Variants in CTNNA2 observed in about 807,000 individuals in gnomAD.
CTNNA2 encodes the protein catenin alpha 2.
CTNNA2 carries 42 observed loss-of-function variants against 101.0 expected under a neutral mutation model. That is an observed-to-expected ratio of 0.42 (90% CI 0.32 to 0.54). CTNNA2 has a LOEUF of 0.54. Ranked by LOEUF, CTNNA2 falls within the 20% of genes least tolerant of loss-of-function variation. The pLI is 0.14. For missense variants in CTNNA2, 871 were observed against 1,223.1 expected (o/e 0.71, Z 4.29); for synonymous variants, 450 against 456.4 (o/e 0.99, Z 0.18).
intron 9 of CTNNA2, among the ~76,000 whole-genome samples, chr2:80,424,411 T>C (rs1345302187): frequency 3.9e-5 from 6 of 152,236 alleles, no homozygotes; most frequent in Non-Finnish European, 8.8e-5. Context: ...AGACAGACTT[T>C]ATTGCTTGTC....
At chr2:80,601,043 G>T (rs1037332719) in intron 15 of CTNNA2, among the ~76,000 whole-genome samples, 1 of 152,124 alleles carries the variant, frequency 6.6e-6, no homozygotes, top group Non-Finnish European at 1.5e-5. Context: ...TGTAGCATTT[G>T]CTGATGTCCA....
At chr2:79,699,531 A>G (rs1462575326) in intron 2 of CTNNA2, among the ~76,000 whole-genome samples, 2 of 151,910 alleles carry the variant, frequency 1.3e-5, no homozygotes, top group African/African-American at 4.8e-5. Flanking sequence ...AAAGATCCAT[A>G]TTTATAGAAT....
At chr2:79,305,178 A>C (rs1676205194) in intron 2 of CTNNA2, among the ~76,000 whole-genome samples, 1 of 151,966 alleles carries the variant, frequency 6.6e-6, no homozygotes, top group Non-Finnish European at 1.5e-5. Context: ...AAACTTGAAT[A>C]TTTAATTGGG....
At chr2:80,305,267 A>G in intron 7 of CTNNA2, 1 of 985,128 alleles carries the variant, frequency 1.0e-6, no homozygotes. Context: ...TTCCAAACCC[A>G]CCTAGTTTGG....
intron 2 of CTNNA2, among the ~76,000 whole-genome samples, chr2:79,681,431 T>C (rs185599676): frequency 7.9e-4 from 120 of 152,296 alleles, no homozygotes; most frequent in African/African-American, 2.8e-3. Flanking sequence ...CCCTAGACTT[T>C]TGCACCAGTG....
At chr2:79,772,910 T>G (rs974193128) in intron 3 of CTNNA2, among the ~76,000 whole-genome samples, 1 of 152,236 alleles carries the variant, frequency 6.6e-6, no homozygotes, top group African/African-American at 2.4e-5. Flanking sequence ...TGAAAAATGT[T>G]TAAAAACTTT....
intron 2 of CTNNA2, among the ~76,000 whole-genome samples, chr2:79,721,603 A>G (rs910829359): frequency 6.6e-6 from 1 of 152,246 alleles, no homozygotes; most frequent in Non-Finnish European, 1.5e-5. Context: ...TTGCTTGCAG[A>G]TAGAAATGGT....
chr2:80,596,937 G>A (rs370394304), intron 15 of CTNNA2, among the ~76,000 whole-genome samples: 3 of 152,008 alleles, frequency 2.0e-5, no homozygotes, highest in South Asian at 4.2e-4. Flanking sequence ...GAATTTTATC[G>A]AAGGCCTTTT....
intron 3 of CTNNA2, among the ~76,000 whole-genome samples, chr2:79,850,220 GCTCCCTCTGTATCTCT>G (rs1341120202): frequency 8.7e-5 from 8 of 91,474 alleles, no homozygotes; most frequent in Admixed American, 4.1e-4. Flanking sequence ...TCCCTCCCTC[GCTCCCTCTGTATCTCT>G]CTCCCTCTGT....
At chr2:80,006,359 T>TA (rs5832428) in intron 7 of CTNNA2, among the ~76,000 whole-genome samples, 84,134 of 138,874 alleles carry the variant, frequency 0.61, 26,313 homozygotes, top group East Asian at 0.71. Context: ...AGAAGTGCAG[T>TA]AAAAAAAAAA....
At chr2:79,382,231 A>G (rs1678047570) in intron 4 of CTNNA2, among the ~76,000 whole-genome samples, 2 of 151,830 alleles carry the variant, frequency 1.3e-5, no homozygotes, top group South Asian at 4.2e-4. Context: ...GACTTATACC[A>G]CTGGCTTTTC....
intron 7 of CTNNA2, among the ~76,000 whole-genome samples, chr2:80,084,065 C>A (rs1044884645): frequency 2.0e-5 from 3 of 152,108 alleles, no homozygotes; most frequent in African/African-American, 4.8e-5. Flanking sequence ...CCCCTGGAAT[C>A]ACGTTCTCTA....
intron 3 of CTNNA2, among the ~76,000 whole-genome samples, chr2:79,781,594 G>A (rs528974340): frequency 6.6e-6 from 1 of 152,200 alleles, no homozygotes; most frequent in East Asian, 1.9e-4. Context: ...AAATATAATT[G>A]ATTTTTATTT....
chr2:80,533,659 A>T (rs971650990), intron 9 of CTNNA2, among the ~76,000 whole-genome samples: 2 of 152,280 alleles, frequency 1.3e-5, no homozygotes, highest in Non-Finnish European at 2.9e-5. Context: ...CATCCTGCTA[A>T]TATGCAGCCC....
chr2:79,578,881 G>A (rs995271832), intron 1 of CTNNA2, among the ~76,000 whole-genome samples: 5 of 151,766 alleles, frequency 3.3e-5, no homozygotes, highest in African/African-American at 9.7e-5. Flanking sequence ...CCTCTAAATA[G>A]TATATATCTG....
In CTNNA2 at chr2:79,668,421, GTTAGT is replaced by G. The variant is rs1380569473; in HGVS notation, c.102+16766_102+16770del. 8.6e-5 allele frequency among the ~76,000 whole-genome samples: 9 copies of G among 105,014 alleles called. No individual in the cohort carries two copies. The South Asian group carries it at 2.4e-3, about 28-fold the overall frequency. The allele number at this position is 105,014 out of a possible 152,430, so 68.9% of individuals were successfully genotyped here. A position where few individuals can be genotyped will look rare whatever the true frequency, so the allele number is the denominator to read the frequency against. On this transcript the variant is annotated intron_variant, in intron 2 of 18. Coordinates refer to ENST00000402739, the MANE Select transcript of CTNNA2 (RefSeq NM_001282597.3). Reference sequence around the variant, plus strand: ...TTTCCCTCACATCTTTTAAAACTCTGTTAGTTTTTTTTAACACTTACTACCTTTTG... The same window carrying G: ...TTTCCCTCACATCTTTTAAAACTCTGTTTTTTTAACACTTACTACCTTTTG...
intron 2 of CTNNA2, among the ~76,000 whole-genome samples, chr2:79,250,495 G>T (rs1315823380): frequency 6.6e-6 from 1 of 152,116 alleles, no homozygotes; most frequent in Non-Finnish European, 1.5e-5. Context: ...AAGTTTTTAT[G>T]CAGAGAGTCC....
chr2:79,750,483 A>G (rs1183643187), intron 3 of CTNNA2, among the ~76,000 whole-genome samples: 2 of 152,220 alleles, frequency 1.3e-5, no homozygotes, highest in Non-Finnish European at 1.5e-5. Flanking sequence ...TTATCAATCC[A>G]TGGTAGTTAT....
chr2:79,837,850 A>C (rs1025429075), intron 3 of CTNNA2, among the ~76,000 whole-genome samples: 3 of 152,148 alleles, frequency 2.0e-5, no homozygotes, highest in Admixed American at 1.3e-4. Flanking sequence ...ACTCCAAAAG[A>C]TCTATAATTT....
Sources: gnomAD v4.1 joint callset for allele counts (sites outside exome capture counted in the v4.1 genomes callset) on GRCh38, gnomAD v4.1.1 for gene constraint, MANE v1.5 for transcripts, NCBI Gene and HGNC (gene_info 2026-07-23, HGNC 2026-07-21) for gene names.